PXDNL: variants seen among roughly 807,000 people sequenced by gnomAD.
PXDNL encodes peroxidasin like, also known as probable oxidoreductase PXDNL.
PXDNL carries 145 observed loss-of-function variants against 150.8 expected under a neutral mutation model. That is an observed-to-expected ratio of 0.96 (90% CI 0.84 to 1.10). The LOEUF (loss-of-function observed/expected upper bound fraction) is 1.10. Ranked by LOEUF, PXDNL falls within the 50% of genes least tolerant of loss-of-function variation. The probability of loss-of-function intolerance (pLI) is 0.00; values close to 1 mark genes in which losing one functional copy is unlikely to be tolerated. For missense variants in PXDNL, 2,087 were observed against 1,873.9 expected, an observed-to-expected ratio of 1.11 and a Z score of -2.10; for synonymous variants, 757 against 725.7, an observed-to-expected ratio of 1.04 and a Z score of -0.69.
intron 4 of PXDNL, among the ~76,000 whole-genome samples, chr8:51,530,069 T>G (rs1811861961): frequency 6.6e-6 from 1 of 152,052 alleles, no homozygotes. Flanking sequence ...GGATATAGGT[T>G]GAAGATAAAG....
chr8:51,747,646 G>A (rs1235359210), intron 1 of PXDNL, among the ~76,000 whole-genome samples: 1 of 152,186 alleles, frequency 6.6e-6, no homozygotes, highest in Non-Finnish European at 1.5e-5. Context: ...GGCAGAGCTA[G>A]GGCAATGCTC....
intron 2 of PXDNL, among the ~76,000 whole-genome samples, chr8:51,636,886 A>T (rs926374106): frequency 6.6e-6 from 1 of 151,882 alleles, no homozygotes; most frequent in African/African-American, 2.4e-5. Context: ...GAATGGACAG[A>T]CTGCCTCCTC....
chr8:51,599,451 G>T (rs998309354), intron 2 of PXDNL, among the ~76,000 whole-genome samples: 2 of 151,032 alleles, frequency 1.3e-5, no homozygotes, highest in African/African-American at 4.9e-5. Flanking sequence ...ATAATTTTTT[G>T]ATTTCTGATT....
chr8:51,723,219 TTA>T lies in PXDNL; in HGVS notation c.165-68461_165-68460del, dbSNP rs1414729949. The stretch of plus-strand genomic sequence containing the variant: ...GATAGTATTCAGAAAAAAAAAATCT[TTA>T]CTTTTCTAATTAGTGTGAAGTTAAC... On this transcript the variant is annotated intron_variant, in intron 1 of 22. Transcript: ENST00000356297. Among the ~76,000 whole-genome samples, 4 of 152,330 alleles carry T rather than the reference TTA, an allele frequency of 2.6e-5. No individual in the cohort carries two copies. In the East Asian group the frequency reaches 7.7e-4, roughly 29 times the overall value.
intron 11 of PXDNL, 39 bp downstream of exon 11, chr8:51,448,963 C>G (rs1439405673): frequency 1.7e-5 from 18 of 1,070,408 alleles, no homozygotes; most frequent in Non-Finnish European, 2.5e-5. Context: ...AAAGAAGGCA[C>G]TTATTTTTCC....
intron 17 of PXDNL, among the ~76,000 whole-genome samples, chr8:51,389,874 T>C (rs919947770): frequency 1.3e-5 from 2 of 152,214 alleles, no homozygotes. Flanking sequence ...CACATCATTC[T>C]CTGTTTAAAG....
intron 1 of PXDNL, among the ~76,000 whole-genome samples, chr8:51,717,537 G>C (rs185272331): frequency 1.8e-3 from 280 of 152,304 alleles, no homozygotes; most frequent in African/African-American, 6.3e-3. Flanking sequence ...CACATCTCTA[G>C]TGTGGGCTTC....
intron 5 of PXDNL, among the ~76,000 whole-genome samples, chr8:51,499,479 T>C (rs1811136460): frequency 6.6e-6 from 1 of 152,228 alleles, no homozygotes; most frequent in African/African-American, 2.4e-5. Context: ...GAAGTGCTTC[T>C]TCCTCTCTTT....
intron 4 of PXDNL, among the ~76,000 whole-genome samples, chr8:51,540,291 G>A (rs1812186844): frequency 6.6e-6 from 1 of 151,770 alleles, no homozygotes; most frequent in South Asian, 2.1e-4. Context: ...TCCATTTTTT[G>A]TCCTGATTCT....
At chr8:51,540,736 A>G (rs1023019042) in intron 4 of PXDNL, among the ~76,000 whole-genome samples, 1 of 152,036 alleles carries the variant, frequency 6.6e-6, no homozygotes, top group Non-Finnish European at 1.5e-5. Flanking sequence ...AAGTTGGTTG[A>G]TTTTGTTATT....
intron 3 of PXDNL, among the ~76,000 whole-genome samples, chr8:51,587,956 A>G (rs1432200578): frequency 6.6e-6 from 1 of 152,224 alleles, no homozygotes; most frequent in Non-Finnish European, 1.5e-5. Context: ...TAACAAATAG[A>G]TGAGAAAAAA....
intron 12 of PXDNL, among the ~76,000 whole-genome samples, chr8:51,442,783 T>G (rs1438007378): frequency 6.6e-6 from 1 of 152,160 alleles, no homozygotes; most frequent in Non-Finnish European, 1.5e-5. Context: ...TTATTTTCAT[T>G]TTGTATTTTC....
Position 51,556,891 on chromosome 8 carries a change from AT to A in PXDNL, c.328del (p.Ile110SerfsTer4). 1 of 1,576,892 alleles carries A rather than the reference AT, an allele frequency of 6.3e-7. No homozygotes were observed. Among genetic ancestry groups the A allele is most frequent in the Non-Finnish European group, 8.7e-7 (1 of 1,147,042 alleles). On this transcript the variant is annotated frameshift_variant, in exon 4 of 23. Transcript: ENST00000356297. LOFTEE classifies it high-confidence loss of function. The stretch of plus-strand genomic sequence containing the variant: ...AAATGTTTGCTTATCTAGTGCATGG[AT>A]TTCATTCTTATACAGGTACCTGGAA... ...LLYLYLYKNE[I>X]HALDKQTFKG...
intron 2 of PXDNL, among the ~76,000 whole-genome samples, chr8:51,605,812 G>A (rs1813828810): frequency 6.6e-6 from 1 of 152,136 alleles, no homozygotes; most frequent in African/African-American, 2.4e-5. Context: ...TCTCCCTCAT[G>A]AATGAATGAA....
intron 1 of PXDNL, among the ~76,000 whole-genome samples, chr8:51,690,737 A>T (rs992244147): frequency 6.6e-5 from 10 of 151,358 alleles, no homozygotes; most frequent in African/African-American, 1.2e-4. Context: ...TCCCTGAGGA[A>T]TCGCCACACT....
In PXDNL at chr8:51,442,740, A is replaced by G. The variant is rs1410615907; in HGVS notation, c.1525+4264T>C. Among the ~76,000 whole-genome samples the G allele has an allele frequency of 3.3e-5, 5 of 151,920 alleles. 1 individual carries two copies. The highest frequency in any genetic ancestry group is 4.4e-5 in the Non-Finnish European group (3 of 67,944). On this transcript the variant is annotated intron_variant, in intron 12 of 22. Coordinates refer to ENST00000356297, the MANE Select transcript of PXDNL (RefSeq NM_144651.5). ...ATACCACTAATGTTTTTAATGTGCTACTGGATTCTTTGATATCTATGATTA... is the reference window on the plus strand; with the variant it reads ...ATACCACTAATGTTTTTAATGTGCTGCTGGATTCTTTGATATCTATGATTA...
chr8:51,343,179 AAGAC>A (rs1263675536), intron 20 of PXDNL, among the ~76,000 whole-genome samples: 3 of 152,204 alleles, frequency 2.0e-5, no homozygotes, highest in African/African-American at 7.2e-5. Context: ...ATTTGTGACC[AAGAC>A]AGAAGAAAGA....
At chr8:51,618,786 C>T (rs924746185) in intron 2 of PXDNL, among the ~76,000 whole-genome samples, 5 of 152,212 alleles carry the variant, frequency 3.3e-5, no homozygotes, top group African/African-American at 1.2e-4. Context: ...AAATGAGAAA[C>T]ATAATAACAC....
intron 1 of PXDNL, among the ~76,000 whole-genome samples, chr8:51,700,627 TACAC>T (rs996657385): frequency 2.6e-5 from 4 of 151,106 alleles, no homozygotes; most frequent in African/African-American, 7.3e-5. Context: ...TGCACACACA[TACAC>T]ACACAAGTAT....
Sources: allele counts gnomAD v4.1 joint callset (sites outside exome capture counted in the v4.1 genomes callset), GRCh38; gene constraint gnomAD v4.1.1; transcripts MANE v1.5; gene names NCBI Gene and HGNC (gene_info 2026-07-23, HGNC 2026-07-21).